COL23A1: variants seen among roughly 807,000 people sequenced by gnomAD.
The protein encoded by COL23A1 is collagen type XXIII alpha 1 chain.
Under a neutral mutation model 99.3 loss-of-function variants are expected in COL23A1, and 97 were observed. That is an observed-to-expected ratio of 0.98 (90% CI 0.83 to 1.16). The LOEUF (loss-of-function observed/expected upper bound fraction) is 1.16, where lower values mean the gene tolerates loss of function less well. COL23A1 is among the 50% of genes most tolerant of loss of function. COL23A1 has a pLI of 0.00. For missense variants in COL23A1, 762 were observed against 757.4 expected (o/e 1.01, Z -0.07); for synonymous variants, 320 against 308.2 (o/e 1.04, Z -0.40).
intron 2 of COL23A1, among the ~76,000 whole-genome samples, chr5:178,368,012 C>G (rs1762584166): frequency 6.6e-6 from 1 of 152,144 alleles, no homozygotes; most frequent in Admixed American, 6.5e-5. Flanking sequence ...ATGCACGGGG[C>G]CAGTGGCGCA....
intron 1 of COL23A1, among the ~76,000 whole-genome samples, chr5:178,578,214 A>G (rs966908001): frequency 1.3e-5 from 2 of 151,882 alleles, no homozygotes; most frequent in Non-Finnish European, 2.9e-5. Flanking sequence ...ACCCATGTAC[A>G]CACACATATG....
Position 178,589,876 on chromosome 5 carries a change from C to T in COL23A1, c.294+28G>A. On this transcript the variant is annotated intron_variant, in intron 1 of 28. Coordinates refer to ENST00000390654, the MANE Select transcript of COL23A1 (RefSeq NM_173465.4). This position sits in a 1 kb window ranked among gnomAD's most constrained non-coding sequence, Gnocchi z 5.4. ...ACCCTCAACCCGACACACCCAAGTC[C>T]GCCCCAGCCACGCGCCAAGACGCTC... is the stretch of plus-strand genomic sequence containing the variant. 3 of 1,291,392 alleles carry T rather than the reference C, an allele frequency of 2.3e-6. No individual in the cohort carries two copies. The highest frequency in any genetic ancestry group is 4.2e-5 in the Admixed American group (1 of 23,650). 80.0% of individuals were successfully genotyped at this position (1,291,392 alleles called of 1,614,324 possible). A position where few individuals can be genotyped will look rare whatever the true frequency, so the allele number is the denominator to read the frequency against.
At chr5:178,532,972 C>G (rs1216887712) in intron 2 of COL23A1, among the ~76,000 whole-genome samples, 1 of 152,152 alleles carries the variant, frequency 6.6e-6, no homozygotes, top group South Asian at 2.1e-4. Context: ...AAGCCCTGAG[C>G]TGTGGGGTCC....
At chr5:178,556,560 T>C (rs1581631897) in intron 2 of COL23A1, among the ~76,000 whole-genome samples, 3 of 145,280 alleles carry the variant, frequency 2.1e-5, no homozygotes, top group African/African-American at 7.7e-5. Flanking sequence ...GAGGTGGAGG[T>C]TGCAGTGAGC....
At chr5:178,283,897 CA>C (rs1263722769) in intron 5 of COL23A1, among the ~76,000 whole-genome samples, 1 of 152,230 alleles carries the variant, frequency 6.6e-6, no homozygotes, top group Admixed American at 6.5e-5. Context: ...TATCCCAGGG[CA>C]AACTCCCATT....
intron 2 of COL23A1, among the ~76,000 whole-genome samples, chr5:178,385,317 G>C (rs1767360135): frequency 6.6e-6 from 1 of 152,160 alleles, no homozygotes; most frequent in African/African-American, 2.4e-5. Context: ...GTGGACGCGG[G>C]GAATTCACAG....
chr5:178,494,985 C>G (rs1168399984), intron 2 of COL23A1, among the ~76,000 whole-genome samples: 1 of 152,180 alleles, frequency 6.6e-6, no homozygotes, highest in African/African-American at 2.4e-5. Context: ...GTTTTCAGCC[C>G]CAATAATGAC....
chr5:178,271,505 C>T (rs974313910), intron 5 of COL23A1, among the ~76,000 whole-genome samples: 19 of 152,294 alleles, frequency 1.2e-4, no homozygotes, highest in Non-Finnish European at 2.5e-4. Context: ...TATATTCTGT[C>T]GCATGTGACA....
intron 2 of COL23A1, among the ~76,000 whole-genome samples, chr5:178,502,194 T>A (rs693751): frequency 2.0e-5 from 3 of 152,060 alleles, no homozygotes; most frequent in South Asian, 2.1e-4. Context: ...TGCAGTGGCG[T>A]GATCTCGGCC....
rs1038214818 is a variant in COL23A1, at chr5:178,386,399, G to A, written c.362-79480C>T. On this transcript the variant is annotated intron_variant, in intron 2 of 28. Coordinates refer to ENST00000390654, the MANE Select transcript of COL23A1 (RefSeq NM_173465.4). The stretch of plus-strand genomic sequence containing the variant: ...GGTTGCAGTGAGCTGAGATTGCACC[G>A]CTGCACTCCAGCTTGGCAGAGAGAG... Among the ~76,000 whole-genome samples the A allele has an allele frequency of 1.3e-4, 20 of 151,510 alleles. No individual in the cohort carries two copies. The East Asian group carries it at 2.9e-3, about 22-fold the overall frequency.
intron 3 of COL23A1, among the ~76,000 whole-genome samples, chr5:178,304,844 A>G (rs946127716): frequency 1.2e-4 from 18 of 152,158 alleles, no homozygotes; most frequent in African/African-American, 4.3e-4. Flanking sequence ...GTATAATAAC[A>G]TATTCTTATC....
At position 178,502,225 on chromosome 5, in the gene COL23A1, A is replaced by G. The variant is rs540183658; in HGVS notation, c.361+58457T>C. The stretch of plus-strand genomic sequence containing the variant: ...CGGCCCACTGCAAGCTCTGCCTCCC[A>G]GGTTCACGCCATTCTCCTGCCTCAG... On this transcript the variant is annotated intron_variant, in intron 2 of 28. Coordinates refer to ENST00000390654, the MANE Select transcript of COL23A1 (RefSeq NM_173465.4). 1.3e-3 allele frequency among the ~76,000 whole-genome samples: 198 copies of G among 152,202 alleles called. 3 individuals are homozygous for G. In the South Asian group the frequency reaches 0.028, roughly 22 times the overall value.
intron 2 of COL23A1, among the ~76,000 whole-genome samples, chr5:178,420,279 C>G (rs942749881): frequency 4.6e-5 from 7 of 152,104 alleles, no homozygotes; most frequent in Non-Finnish European, 1.0e-4. Flanking sequence ...CAAACAAGAG[C>G]GCCCGTGGGC....
chr5:178,456,242 G>T (rs952575159), intron 2 of COL23A1, among the ~76,000 whole-genome samples: 1 of 152,126 alleles, frequency 6.6e-6, no homozygotes, highest in East Asian at 1.9e-4. Flanking sequence ...TACTTCCCTA[G>T]GCTTCTATAA....
At chr5:178,327,881 C>G in intron 2 of COL23A1, among the ~76,000 whole-genome samples, 1 of 152,200 alleles carries the variant, frequency 6.6e-6, no homozygotes, top group East Asian at 1.9e-4. Context: ...GGCAGACAAG[C>G]TGCTCTCCCT....
At chr5:178,320,205 T>C (rs1759215190) in intron 2 of COL23A1, among the ~76,000 whole-genome samples, 1 of 152,242 alleles carries the variant, frequency 6.6e-6, no homozygotes, top group Non-Finnish European at 1.5e-5. Context: ...TTCTCTCTTC[T>C]TGCTGGAACA....
chr5:178,518,680 C>T (rs1389365414), intron 2 of COL23A1, among the ~76,000 whole-genome samples: 1 of 141,376 alleles, frequency 7.1e-6, no homozygotes, highest in South Asian at 2.2e-4. Context: ...GGCGGAGACG[C>T]TCCTCACATC....
At chr5:178,539,177 C>G (rs1348583200) in intron 2 of COL23A1, among the ~76,000 whole-genome samples, 2 of 152,164 alleles carry the variant, frequency 1.3e-5, no homozygotes, top group Non-Finnish European at 2.9e-5. Context: ...TGTGTATACT[C>G]TAAGAACCAC....
chr5:178,584,391 G>A (rs530337519), intron 1 of COL23A1, among the ~76,000 whole-genome samples: 2 of 151,114 alleles, frequency 1.3e-5, no homozygotes, highest in Admixed American at 6.6e-5. Context: ...AAATAGAGAC[G>A]AGGTCTTGCT....
Sources: allele counts gnomAD v4.1 joint callset (sites outside exome capture counted in the v4.1 genomes callset), GRCh38; gene constraint gnomAD v4.1.1; non-coding constraint Gnocchi (gnomAD v3.1); transcripts MANE v1.5; gene names NCBI Gene and HGNC (gene_info 2026-07-23, HGNC 2026-07-21).